PTGER3: variants seen among roughly 807,000 people sequenced by gnomAD.
The protein encoded by PTGER3 is prostaglandin E receptor 3.
PTGER3 carries 22 observed loss-of-function variants against 34.7 expected under a neutral mutation model. The ratio of observed to expected loss-of-function variants is 0.63; its 90% CI spans 0.45 to 0.91. The LOEUF is 0.91. Ranked by LOEUF, PTGER3 falls within the 40% of genes least tolerant of loss-of-function variation. The probability of loss-of-function intolerance (pLI) is 0.00; values close to 1 mark genes in which losing one functional copy is unlikely to be tolerated. For synonymous variants in PTGER3, 241 were observed against 230.1 expected (o/e 1.05, Z -0.43); for missense variants, 468 against 519.4 (o/e 0.90, Z 0.96).
chr1:70,877,005 G>A (rs1334683847), intron 4 of PTGER3, among the ~76,000 whole-genome samples: 1 of 152,172 alleles, frequency 6.6e-6, no homozygotes, highest in Non-Finnish European at 1.5e-5. Context: ...TTCATTGGTA[G>A]TTTGATAGAA....
intron 1 of PTGER3, among the ~76,000 whole-genome samples, chr1:71,045,717 C>T (rs367801614): frequency 6.6e-6 from 1 of 152,100 alleles, no homozygotes; most frequent in Non-Finnish European, 1.5e-5. Flanking sequence ...TCAGGATTAG[C>T]GAACCCTGCT....
intron 4 of PTGER3, among the ~76,000 whole-genome samples, chr1:70,931,299 G>A (rs1001384073): frequency 2.0e-5 from 3 of 152,194 alleles, no homozygotes; most frequent in African/African-American, 7.2e-5. Flanking sequence ...GTCACAGGCT[G>A]GCATTGAATG....
At chr1:70,946,613 G>A (rs936326668) in intron 4 of PTGER3, among the ~76,000 whole-genome samples, 2 of 152,124 alleles carry the variant, frequency 1.3e-5, no homozygotes, top group African/African-American at 4.8e-5. Context: ...GAATTAGTTA[G>A]TCCGTTGCTG....
At chr1:70,888,503 T>C (rs58239962) in intron 4 of PTGER3, among the ~76,000 whole-genome samples, 7,401 of 152,118 alleles carry the variant, frequency 0.049, 411 homozygotes, top group East Asian at 0.22. Context: ...GTTACCTTTG[T>C]GTGTGTGTGT....
intron 2 of PTGER3, among the ~76,000 whole-genome samples, chr1:70,989,156 C>G (rs1323906435): frequency 1.3e-5 from 2 of 152,118 alleles, no homozygotes; most frequent in African/African-American, 2.4e-5. Context: ...GATAGTGGCA[C>G]AGGAAAGCGC....
intron 4 of PTGER3, among the ~76,000 whole-genome samples, chr1:70,935,672 A>ATATATAT (rs59431299): frequency 0.018 from 2,459 of 140,126 alleles, 40 homozygotes; most frequent in Middle Eastern, 0.03. Context: ...TACAAATATA[A>ATATATAT]ATATATATAT....
chr1:70,914,689 C>T (rs1028201549), intron 4 of PTGER3, among the ~76,000 whole-genome samples: 1 of 151,856 alleles, frequency 6.6e-6, no homozygotes, highest in African/African-American at 2.4e-5. Flanking sequence ...GAGAATCAAT[C>T]ATCCTCTGCT....
At chr1:71,043,401 A>G (rs1363645086) in intron 1 of PTGER3, among the ~76,000 whole-genome samples, 2 of 152,096 alleles carry the variant, frequency 1.3e-5, no homozygotes, top group Non-Finnish European at 2.9e-5. Flanking sequence ...GGATACATAA[A>G]CCTCTATTTA....
intron 1 of PTGER3, among the ~76,000 whole-genome samples, chr1:71,017,876 T>C (rs1417146167): frequency 6.6e-6 from 1 of 152,190 alleles, no homozygotes; most frequent in Admixed American, 6.5e-5. Context: ...GCCATTCTTG[T>C]GCCTCAGACT....
chr1:70,946,763 T>C (rs755215659), intron 4 of PTGER3, among the ~76,000 whole-genome samples: 10 of 152,152 alleles, frequency 6.6e-5, no homozygotes, highest in Admixed American at 2.0e-4. Flanking sequence ...CTATTTCCAA[T>C]TGGACTGTGG....
chr1:70,916,944 G>A (rs551828123), intron 4 of PTGER3, among the ~76,000 whole-genome samples: 1 of 151,860 alleles, frequency 6.6e-6, no homozygotes, highest in African/African-American at 2.4e-5. Flanking sequence ...ACAATATGAT[G>A]TTTCAACACA....
At chr1:70,976,738 T>C (rs540665382) in intron 2 of PTGER3, among the ~76,000 whole-genome samples, 1 of 152,304 alleles carries the variant, frequency 6.6e-6, no homozygotes, top group East Asian at 1.9e-4. Flanking sequence ...TTTCATTTCA[T>C]GCTTAAACCC....
intron 3 of PTGER3, among the ~76,000 whole-genome samples, chr1:70,973,652 T>A (rs1653376752): frequency 6.6e-6 from 1 of 152,184 alleles, no homozygotes; most frequent in Non-Finnish European, 1.5e-5. Flanking sequence ...GTCAACTGTG[T>A]TATCTCTGAA....
intron 4 of PTGER3, among the ~76,000 whole-genome samples, chr1:70,937,693 ACTCT>A (rs931019475): frequency 1.3e-5 from 2 of 151,960 alleles, no homozygotes; most frequent in African/African-American, 4.8e-5. Flanking sequence ...TAGTGCTGTG[ACTCT>A]CTATATCCCT....
At chr1:70,914,848 G>A (rs1042109606) in intron 4 of PTGER3, among the ~76,000 whole-genome samples, 15 of 151,868 alleles carry the variant, frequency 9.9e-5, no homozygotes, top group African/African-American at 3.6e-4. Flanking sequence ...TGATCACAGG[G>A]GGCACAGAAA....
intron 4 of PTGER3, among the ~76,000 whole-genome samples, chr1:70,863,372 A>G (rs948635829): frequency 4.6e-5 from 7 of 152,142 alleles, no homozygotes; most frequent in Non-Finnish European, 8.8e-5. Flanking sequence ...TTCCCCATTG[A>G]TCATGTGTTC....
At chr1:71,030,770 T>C (rs908241633) in intron 1 of PTGER3, among the ~76,000 whole-genome samples, 2 of 152,240 alleles carry the variant, frequency 1.3e-5, no homozygotes, top group African/African-American at 2.4e-5. Flanking sequence ...AATCAGTTGA[T>C]GAATCAATAG....
intron 3 of PTGER3, among the ~76,000 whole-genome samples, chr1:70,972,373 A>G (rs752022695): frequency 1.3e-5 from 2 of 152,174 alleles, no homozygotes; most frequent in Non-Finnish European, 2.9e-5. Flanking sequence ...TTTTTTTAAG[A>G]TAGTACACAG....
chr1:70,876,104 G>GT (rs1646267002), intron 4 of PTGER3, among the ~76,000 whole-genome samples: 1 of 152,022 alleles, frequency 6.6e-6, no homozygotes, highest in Non-Finnish European at 1.5e-5. Flanking sequence ...AGCACCTGTT[G>GT]TTTTTTGACA....
Sources: gnomAD v4.1 joint callset for allele counts (sites outside exome capture counted in the v4.1 genomes callset) on GRCh38, gnomAD v4.1.1 for gene constraint, MANE v1.5 for transcripts, NCBI Gene and HGNC (gene_info 2026-07-23, HGNC 2026-07-21) for gene names.